The following LUC7L variants were observed in gnomAD, a reference collection of about 807,000 sequenced individuals.
LUC7L encodes the protein putative RNA-binding protein Luc7-like 1.
Under a neutral mutation model 51.1 loss-of-function variants are expected in LUC7L, and 29 were observed. The observed-to-expected ratio is 0.57, with a 90% CI of 0.42 to 0.77. LUC7L has a LOEUF of 0.77. Among genes scored for constraint, LUC7L ranks in the 30% least tolerant of loss-of-function variants. The probability of loss-of-function intolerance (pLI) is 0.00; values close to 1 mark genes in which losing one functional copy is unlikely to be tolerated. For missense variants in LUC7L, 403 were observed against 511.9 expected, an observed-to-expected ratio of 0.79 and a Z score of 2.05; for synonymous variants, 181 against 180.7, an observed-to-expected ratio of 1.00 and a Z score of -0.01.
chr16:211,088 CA>C (rs1416339870), intron 3 of LUC7L, among the ~76,000 whole-genome samples: 4 of 149,342 alleles, frequency 2.7e-5, no homozygotes, highest in Non-Finnish European at 5.9e-5. Flanking sequence ...GTAGGCCCAG[CA>C]CGGTGGCTCA....
intron 6 of LUC7L, among the ~76,000 whole-genome samples, chr16:196,047 A>G (rs2049139909): frequency 1.3e-5 from 2 of 152,224 alleles, no homozygotes; most frequent in Non-Finnish European, 1.5e-5. Flanking sequence ...AACATTTCAC[A>G]ATATTCACAT....
At chr16:207,200 T>TAA (rs1412645306) in intron 4 of LUC7L, among the ~76,000 whole-genome samples, 1 of 142,796 alleles carries the variant, frequency 7.0e-6, no homozygotes, top group Admixed American at 7.0e-5. Flanking sequence ...CTCTGTCTCT[T>TAA]AAAAAAAAAA....
chr16:229,194 C>T, intron 1 of LUC7L, 85 bp downstream of exon 1: 1 of 1,498,178 alleles, frequency 6.7e-7, no homozygotes, highest in Non-Finnish European at 8.8e-7. Context: ...CAGGCGCAGA[C>T]GATCGCGGCC....
intron 3 of LUC7L, among the ~76,000 whole-genome samples, chr16:210,852 C>A (rs1479071149): frequency 1.4e-5 from 2 of 147,590 alleles, no homozygotes; most frequent in Admixed American, 6.8e-5. Context: ...GAGATCGAGA[C>A]CACCCTGGCT....
intron 6 of LUC7L, among the ~76,000 whole-genome samples, chr16:196,531 A>T (rs925738670): frequency 1.4e-5 from 2 of 146,102 alleles, no homozygotes; most frequent in African/African-American, 4.9e-5. Flanking sequence ...GCTAACAAAC[A>T]ATTTTTTTTT....
chr16:196,318 G>A (rs1380922062), intron 6 of LUC7L, among the ~76,000 whole-genome samples: 1 of 151,968 alleles, frequency 6.6e-6, no homozygotes, highest in Non-Finnish European at 1.5e-5. Flanking sequence ...TGAGGCAGGA[G>A]TATCTCTTGA....
chr16:223,675 C>CTT (rs113627667), intron 2 of LUC7L, among the ~76,000 whole-genome samples: 1 of 143,700 alleles, frequency 7.0e-6, no homozygotes, highest in African/African-American at 2.5e-5. Context: ...TCTGTTTTTT[C>CTT]TTTTTTTTTT....
chr16:213,477 G>A (rs1166672297), intron 3 of LUC7L, among the ~76,000 whole-genome samples: 1 of 152,068 alleles, frequency 6.6e-6, no homozygotes, highest in Non-Finnish European at 1.5e-5. Flanking sequence ...TGAGCTCACT[G>A]CAACCTCTGC....
intron 3 of LUC7L, among the ~76,000 whole-genome samples, chr16:219,869 CAA>C (rs35408573): frequency 2.6e-5 from 3 of 115,430 alleles, no homozygotes; most frequent in African/African-American, 3.2e-5. Flanking sequence ...AACTCCGTCT[CAA>C]AAAAAAAAAA....
chr16:204,911 G>T (rs972278567), intron 5 of LUC7L, among the ~76,000 whole-genome samples: 12 of 152,152 alleles, frequency 7.9e-5, no homozygotes, highest in Admixed American at 7.9e-4. Context: ...GGAACCCTGT[G>T]AGTTCACTTT....
At chr16:222,091 T>C (rs914769613) in intron 2 of LUC7L, among the ~76,000 whole-genome samples, 1 of 152,186 alleles carries the variant, frequency 6.6e-6, no homozygotes, top group African/African-American at 2.4e-5. Context: ...AAGAACAGCA[T>C]GATGTGCTAT....
intron 5 of LUC7L, among the ~76,000 whole-genome samples, chr16:200,915 T>G (rs1173843404): frequency 6.6e-6 from 1 of 151,650 alleles, no homozygotes; most frequent in African/African-American, 2.4e-5. Flanking sequence ...CTGGGCACAG[T>G]GGCTAACACC....
At chr16:216,222 G>C (rs917464223) in intron 3 of LUC7L, among the ~76,000 whole-genome samples, 2 of 151,714 alleles carry the variant, frequency 1.3e-5, no homozygotes, top group East Asian at 1.9e-4. Context: ...GGCTGGTCTC[G>C]AACTCCCGAC....
At chr16:205,913 A>C (rs1456124684) in intron 5 of LUC7L, 91 bp downstream of exon 5, 1 of 1,458,670 alleles carries the variant, frequency 6.9e-7, no homozygotes, top group East Asian at 2.3e-5. Context: ...TTTTTAAAAA[A>C]TGGGAGCAAG....
At chr16:195,958 G>A (rs2049136860) in intron 6 of LUC7L, among the ~76,000 whole-genome samples, 1 of 152,162 alleles carries the variant, frequency 6.6e-6, no homozygotes, top group Non-Finnish European at 1.5e-5. Flanking sequence ...TACGAGTTGT[G>A]TTGTTTTGGT....
chr16:205,946 G>A, intron 5 of LUC7L, 58 bp downstream of exon 5: 21 of 1,564,628 alleles, frequency 1.3e-5, no homozygotes, highest in Middle Eastern at 1.7e-4. Context: ...TAATTCCAAC[G>A]GTCAACGCTG....
chr16:200,177 C>G (rs539790341), intron 5 of LUC7L, among the ~76,000 whole-genome samples: 1 of 151,712 alleles, frequency 6.6e-6, no homozygotes, highest in South Asian at 2.1e-4. Flanking sequence ...AATCCCAGCA[C>G]TTTGGGAGGC....
chr16:217,685 C>T (rs924290682), intron 3 of LUC7L, among the ~76,000 whole-genome samples: 1 of 147,724 alleles, frequency 6.8e-6, no homozygotes, highest in Middle Eastern at 3.4e-3. Flanking sequence ...ACAGCCTGGG[C>T]AACAAGAGTG....
intron 2 of LUC7L, among the ~76,000 whole-genome samples, chr16:223,962 G>A (rs767360207): frequency 3.3e-5 from 5 of 151,940 alleles, no homozygotes; most frequent in Admixed American, 6.6e-5. Flanking sequence ...ACAGGTATGA[G>A]CCACCGCACC....
Sources: gnomAD v4.1 joint callset for allele counts (sites outside exome capture counted in the v4.1 genomes callset) on GRCh38, gnomAD v4.1.1 for gene constraint, MANE v1.5 for transcripts, NCBI Gene and HGNC (gene_info 2026-07-23, HGNC 2026-07-21) for gene names.